The following RASA3 variants were observed in gnomAD, a reference collection of about 807,000 sequenced individuals.
RASA3 encodes RAS p21 protein activator 3.
A neutral mutation model predicts 110.0 loss-of-function variants in RASA3; 73 were observed. The observed-to-expected ratio is 0.66, with a 90% CI of 0.55 to 0.81. The LOEUF (loss-of-function observed/expected upper bound fraction) is 0.81. Ranked by LOEUF, RASA3 falls within the 30% of genes least tolerant of loss-of-function variation. The pLI, the probability that RASA3 is intolerant of heterozygous loss-of-function variation, is 0.00. For synonymous variants in RASA3, 500 were observed against 451.4 expected, an observed-to-expected ratio of 1.11 and a Z score of -1.37; for missense variants, 976 against 1,113.2, an observed-to-expected ratio of 0.88 and a Z score of 1.75.
chr13:114,101,175 T>C (rs902613185), intron 1 of RASA3, among the ~76,000 whole-genome samples: 1 of 152,082 alleles, frequency 6.6e-6, no homozygotes, highest in Non-Finnish European at 1.5e-5. Context: ...TCTCTGCACT[T>C]CTGTTACAGA....
intron 1 of RASA3, among the ~76,000 whole-genome samples, chr13:114,121,774 G>A (rs571461385): frequency 3.3e-5 from 5 of 152,316 alleles, no homozygotes; most frequent in African/African-American, 9.6e-5. Context: ...GGCCCATTGC[G>A]CTAGCCCTGT....
intron 2 of RASA3, among the ~76,000 whole-genome samples, chr13:114,072,408 C>T (rs79444886): frequency 6.6e-6 from 1 of 152,300 alleles, no homozygotes; most frequent in East Asian, 1.9e-4. Flanking sequence ...TTGGCTGACT[C>T]CTCTCTTCCT....
chr13:114,029,994 C>T (rs2274711), intron 4 of RASA3, 107 bp from the exon 5 acceptor site: 48,809 of 1,043,428 alleles, frequency 0.047, 3,344 homozygotes, highest in African/African-American at 0.25. Context: ...CAGGCGGCCC[C>T]GCCCTGCCCT....
At chr13:114,051,094 G>A (rs1318850924) in intron 3 of RASA3, among the ~76,000 whole-genome samples, 1 of 152,068 alleles carries the variant, frequency 6.6e-6, no homozygotes, top group Non-Finnish European at 1.5e-5. Context: ...CACCCTCGTG[G>A]CCTCGCTGGC....
chr13:114,051,344 A>T (rs2079143515), intron 3 of RASA3, among the ~76,000 whole-genome samples: 1 of 152,174 alleles, frequency 6.6e-6, no homozygotes, highest in Non-Finnish European at 1.5e-5. Context: ...TCCCAGCGTC[A>T]CGGCGGGAAT....
chr13:114,098,296 G>A (rs193062338), intron 1 of RASA3, among the ~76,000 whole-genome samples: 117 of 152,302 alleles, frequency 7.7e-4, no homozygotes, highest in African/African-American at 2.6e-3. Flanking sequence ...GAGCTGAGAG[G>A]ACAGAGAACA....
At chr13:114,004,958 AT>A (rs1311518772) in intron 18 of RASA3, among the ~76,000 whole-genome samples, 1 of 152,212 alleles carries the variant, frequency 6.6e-6, no homozygotes, top group Non-Finnish European at 1.5e-5. Flanking sequence ...AGGAAATCTT[AT>A]GTTTTCCAGC....
chr13:114,010,062 T>A (rs2297099), intron 16 of RASA3, among the ~76,000 whole-genome samples: 105,775 of 152,112 alleles, frequency 0.7, 37,377 homozygotes, highest in African/African-American at 0.83. Flanking sequence ...CGGAGGAGGC[T>A]CAAGTGCCTG....
intron 3 of RASA3, among the ~76,000 whole-genome samples, chr13:114,044,880 G>A (rs1270825891): frequency 6.6e-6 from 1 of 152,088 alleles, no homozygotes; most frequent in African/African-American, 2.4e-5. Flanking sequence ...GACGGGAGAA[G>A]TCACATATTT....
rs112367486 is a variant in RASA3 at position 114,112,099 on chromosome 13, A to AC, written c.55+20335dup. Among the ~76,000 whole-genome samples, 56,293 of 149,206 alleles carry AC rather than the reference A, an allele frequency of 0.38. 10,794 individuals carry two copies. The highest frequency in any genetic ancestry group is 0.58 in the Middle Eastern group (165 of 284). The stretch of plus-strand genomic sequence containing the variant: ...TCCCTGGAAACAGCAGCCCCCAGGC[A>AC]CCCCCCCCAGCAACTGGGACAAGGG... On this transcript the variant is annotated intron_variant, in intron 1 of 23. Transcript: ENST00000334062. The surrounding 1 kb of genome is among the most constrained non-coding windows in gnomAD (Gnocchi z 4.8).
At chr13:114,070,471 G>C (rs2079552586) in intron 2 of RASA3, among the ~76,000 whole-genome samples, 1 of 152,152 alleles carries the variant, frequency 6.6e-6, no homozygotes, top group Admixed American at 6.5e-5. Flanking sequence ...GAGAGAGCCA[G>C]CTTTTGGGTT....
intron 3 of RASA3, among the ~76,000 whole-genome samples, chr13:114,045,565 G>A (rs551745716): frequency 3.7e-4 from 57 of 152,158 alleles, no homozygotes; most frequent in Admixed American, 2.1e-3. Context: ...CCAGGGCCAC[G>A]AGGAAAAAAC....
rs545303392 is a variant in RASA3, at chr13:114,083,380, C to T, written c.56-9543G>A. Among the ~76,000 whole-genome samples, 10 of 152,358 alleles carry T rather than the reference C, an allele frequency of 6.6e-5. No individual in the cohort carries two copies. In the East Asian group the frequency reaches 7.7e-4, roughly 12 times the overall value. On this transcript the variant is annotated intron_variant, in intron 1 of 23. Transcript: ENST00000334062. The stretch of plus-strand genomic sequence containing the variant: ...GTGAACATTCCTGGCCGATTTCAAG[C>T]GACCAGTGTGGCCCCAAAGCCAGAG...
intron 1 of RASA3, among the ~76,000 whole-genome samples, chr13:114,080,513 A>G (rs910903411): frequency 1.3e-5 from 2 of 152,094 alleles, no homozygotes; most frequent in African/African-American, 4.8e-5. Flanking sequence ...GGGGCGGGTG[A>G]CCAGGCCCAG....
intron 3 of RASA3, among the ~76,000 whole-genome samples, chr13:114,049,935 C>T (rs891773244): frequency 2.0e-5 from 3 of 152,186 alleles, no homozygotes; most frequent in South Asian, 4.1e-4. Flanking sequence ...GCCGCGGGGT[C>T]GGAGGCCATC....
At chr13:114,076,867 T>G (rs1489963342) in intron 1 of RASA3, among the ~76,000 whole-genome samples, 1 of 152,244 alleles carries the variant, frequency 6.6e-6, no homozygotes, top group Non-Finnish European at 1.5e-5. Flanking sequence ...AGCTTGACTT[T>G]GCTGACTTTC....
At chr13:114,002,432 A>T (rs568821145) in intron 18 of RASA3, among the ~76,000 whole-genome samples, 1 of 150,862 alleles carries the variant, frequency 6.6e-6, no homozygotes, top group East Asian at 2.0e-4. Context: ...TCAGCCCAGG[A>T]GGCTGTTGAG....
chr13:113,996,221 A>G (rs2053253679), intron 21 of RASA3, among the ~76,000 whole-genome samples: 1 of 152,140 alleles, frequency 6.6e-6, no homozygotes, highest in African/African-American at 2.4e-5. Context: ...CTCCTAGAGA[A>G]GCAGGATGGC....
chr13:113,996,877 G>A lies in RASA3; in HGVS notation c.1933-138C>T. The A allele has an allele frequency of 1.6e-5, 12 of 747,246 alleles. 1 individual carries two copies. Among genetic ancestry groups the A allele is most frequent in the Non-Finnish European group, 2.4e-5 (11 of 449,084 alleles). The allele number at this position is 747,246 out of a possible 1,614,324, so 46.3% of individuals were successfully genotyped here. On this transcript the variant is annotated intron_variant, in intron 20 of 23. Transcript: ENST00000334062. Reference sequence around the variant, plus strand: ...AGGGTGCACAGGCCCAAAAGTCCTGGAGCTCTAAGCCCCAGAAGAGGCCAA... The same window carrying A: ...AGGGTGCACAGGCCCAAAAGTCCTGAAGCTCTAAGCCCCAGAAGAGGCCAA...
Sources: gnomAD v4.1 joint callset for allele counts (sites outside exome capture counted in the v4.1 genomes callset) on GRCh38, gnomAD v4.1.1 for gene constraint, Gnocchi (gnomAD v3.1) non-coding constraint, MANE v1.5 for transcripts, NCBI Gene and HGNC (gene_info 2026-07-23, HGNC 2026-07-21) for gene names.